ADGRL2: variants seen among roughly 807,000 people sequenced by gnomAD.
ADGRL2 encodes adhesion G protein-coupled receptor L2.
Under a neutral mutation model 157.4 loss-of-function variants are expected in ADGRL2, and 44 were observed. The observed-to-expected ratio is 0.28, with a 90% CI of 0.22 to 0.36. The LOEUF (loss-of-function observed/expected upper bound fraction) is 0.36, where lower values mean the gene tolerates loss of function less well. ADGRL2 is among the 10% of genes least tolerant of loss of function. The pLI is 1.00. For synonymous variants in ADGRL2, 585 were observed against 624.7 expected, an observed-to-expected ratio of 0.94 and a Z score of 0.95; for missense variants, 1,510 against 1,768.9, an observed-to-expected ratio of 0.85 and a Z score of 2.63.
At chr1:81,845,306 C>T (rs571476264) in intron 2 of ADGRL2, among the ~76,000 whole-genome samples, 4 of 152,102 alleles carry the variant, frequency 2.6e-5, no homozygotes, top group South Asian at 4.1e-4. Flanking sequence ...AAGTAAAATA[C>T]ATATCTATAT....
At chr1:81,309,750 T>C (rs1206237380) in intron 1 of ADGRL2, among the ~76,000 whole-genome samples, 1 of 152,166 alleles carries the variant, frequency 6.6e-6, no homozygotes, top group Non-Finnish European at 1.5e-5. Flanking sequence ...ATCAGATCTG[T>C]AATTGACTGA....
intron 1 of ADGRL2, among the ~76,000 whole-genome samples, chr1:81,716,344 A>G (rs188244829): frequency 2.1e-3 from 314 of 152,310 alleles, no homozygotes; most frequent in African/African-American, 7.2e-3. Flanking sequence ...TAAAATGGTT[A>G]CAATAATACT....
At chr1:81,905,677 A>C (rs752547680) in intron 2 of ADGRL2, among the ~76,000 whole-genome samples, 5 of 152,198 alleles carry the variant, frequency 3.3e-5, no homozygotes, top group Non-Finnish European at 5.9e-5. Context: ...AATGTGTTCC[A>C]ATATTCCTAG....
At chr1:81,470,204 A>G (rs1557713516) in intron 2 of ADGRL2, among the ~76,000 whole-genome samples, 1 of 152,232 alleles carries the variant, frequency 6.6e-6, no homozygotes, top group East Asian at 1.9e-4. Flanking sequence ...ATATACATCT[A>G]TAACTGTTCT....
intron 17 of ADGRL2, among the ~76,000 whole-genome samples, chr1:81,974,428 ACACT>A (rs1449579519): frequency 6.6e-6 from 1 of 152,184 alleles, no homozygotes; most frequent in Non-Finnish European, 1.5e-5. Context: ...TTCAGCTCAC[ACACT>A]CATTTAGAAG....
chr1:81,419,288 C>A (rs1003736248), intron 1 of ADGRL2, among the ~76,000 whole-genome samples: 2 of 152,208 alleles, frequency 1.3e-5, no homozygotes, highest in Non-Finnish European at 2.9e-5. Flanking sequence ...ACTACCACCA[C>A]CGCCTTCTGG....
At chr1:81,323,011 C>T (rs909442156) in intron 1 of ADGRL2, among the ~76,000 whole-genome samples, 1 of 151,922 alleles carries the variant, frequency 6.6e-6, no homozygotes, top group Non-Finnish European at 1.5e-5. Context: ...GTGTGTGCCA[C>T]CACACCCAGC....
intron 2 of ADGRL2, among the ~76,000 whole-genome samples, chr1:81,784,974 A>G (rs1473010350): frequency 1.3e-5 from 2 of 152,162 alleles, no homozygotes; most frequent in African/African-American, 4.8e-5. Flanking sequence ...TAAGCTAAAT[A>G]CTATGAATAT....
chr1:81,984,187 C>T (rs11163403), intron 19 of ADGRL2: 32,805 of 152,330 alleles, frequency 0.22, 4,055 homozygotes, highest in East Asian at 0.6. Context: ...AATTACAGAG[C>T]GGTTAAATGT....
chr1:81,613,183 G>A (rs2081577162), intron 3 of ADGRL2, among the ~76,000 whole-genome samples: 2 of 152,190 alleles, frequency 1.3e-5, no homozygotes, highest in South Asian at 4.1e-4. Flanking sequence ...ATAGAACTGA[G>A]ATCATTTTAC....
At chr1:81,797,538 G>A (rs191999353), upstream of ADGRL2, among the ~76,000 whole-genome samples, 1 of 152,264 alleles carries the variant, frequency 6.6e-6, no homozygotes, top group East Asian at 1.9e-4. Flanking sequence ...GGCAGTGAAA[G>A]TGATACTGTG....
intron 3 of ADGRL2, among the ~76,000 whole-genome samples, chr1:81,918,659 C>T (rs1316845951): frequency 2.0e-5 from 3 of 152,036 alleles, no homozygotes; most frequent in Non-Finnish European, 4.4e-5. Context: ...ATGTTTTATG[C>T]ATCACAACTA....
intron 3 of ADGRL2, among the ~76,000 whole-genome samples, chr1:81,582,470 G>A (rs1004552032): frequency 6.6e-6 from 1 of 151,940 alleles, no homozygotes; most frequent in African/African-American, 2.4e-5. Flanking sequence ...ATGTTGTGTG[G>A]CATGTTCCTT....
At chr1:81,702,531 T>A (rs559418220) in intron 1 of ADGRL2, among the ~76,000 whole-genome samples, 1 of 152,316 alleles carries the variant, frequency 6.6e-6, no homozygotes, top group Admixed American at 6.5e-5. Flanking sequence ...AACACAGTAA[T>A]TTCGGAACAG....
At chr1:81,321,772 G>A (rs12748920) in intron 1 of ADGRL2, among the ~76,000 whole-genome samples, 66,945 of 150,960 alleles carry the variant, frequency 0.44, 15,242 homozygotes, top group Middle Eastern at 0.56. Context: ...ATGAAAAAGC[G>A]TGAAATATTG....
At chr1:81,491,749 G>T (rs192937899) in intron 2 of ADGRL2, among the ~76,000 whole-genome samples, 30 of 152,282 alleles carry the variant, frequency 2.0e-4, no homozygotes, top group African/African-American at 6.7e-4. Context: ...GGTGGTGGGT[G>T]CTGCTAATTA....
In ADGRL2 at chr1:81,890,283, A is replaced by T. The variant is rs533425452; in HGVS notation, c.74-16734A>T. Among the ~76,000 whole-genome samples the T allele has an allele frequency of 2.6e-4, 39 of 152,334 alleles. No individual in the cohort carries two copies. In the South Asian group the frequency reaches 7.7e-3, roughly 30 times the overall value. ...ACATACCAGATTTTATATAGTGAAT[A>T]TTTAAGACTCAATTCCATAGTGTAA... On this transcript the variant is annotated intron_variant, in intron 2 of 23. Transcript: ENST00000686636.
At chr1:81,388,983 A>G (rs980174269) in intron 1 of ADGRL2, among the ~76,000 whole-genome samples, 9 of 152,080 alleles carry the variant, frequency 5.9e-5, no homozygotes, top group African/African-American at 2.2e-4. Context: ...GTCTGCCAAA[A>G]CCATAGCTAG....
intron 2 of ADGRL2, among the ~76,000 whole-genome samples, chr1:81,509,132 A>G (rs2079030952): frequency 6.6e-6 from 1 of 152,164 alleles, no homozygotes; most frequent in Admixed American, 6.5e-5. Flanking sequence ...AATGCTTAAA[A>G]TCTAGAGTAA....
Sources: gnomAD v4.1 joint callset for allele counts (sites outside exome capture counted in the v4.1 genomes callset) on GRCh38, gnomAD v4.1.1 for gene constraint, MANE v1.5 for transcripts, NCBI Gene and HGNC (gene_info 2026-07-23, HGNC 2026-07-21) for gene names.